The following JAG1 variants were observed in gnomAD, a reference collection of about 807,000 sequenced individuals.
The protein encoded by JAG1 is protein jagged-1.
Under a neutral mutation model 148.7 loss-of-function variants are expected in JAG1, and 23 were observed. The observed-to-expected ratio is 0.15, with a 90% CI of 0.11 to 0.22. The LOEUF is 0.22. Among genes scored for constraint, JAG1 ranks in the 10% least tolerant of loss-of-function variants. The probability of loss-of-function intolerance (pLI) is 1.00; values close to 1 mark genes in which losing one functional copy is unlikely to be tolerated. For missense variants in JAG1, 1,054 were observed against 1,611.2 expected (o/e 0.65, Z 5.92); for synonymous variants, 572 against 598.3 (o/e 0.96, Z 0.64).
intron 2 of JAG1, among the ~76,000 whole-genome samples, chr20:10,666,778 G>C (rs1334461170): frequency 6.6e-6 from 1 of 152,204 alleles, no homozygotes; most frequent in Non-Finnish European, 1.5e-5. Context: ...TTCTGGTGTG[G>C]CATCAAAGAG....
chr20:10,657,967 G>A (rs988476163), intron 4 of JAG1, among the ~76,000 whole-genome samples: 3 of 152,240 alleles, frequency 2.0e-5, no homozygotes, highest in Non-Finnish European at 2.9e-5. Flanking sequence ...CTTAGAAGCA[G>A]AGTCTGAGAA....
chr20:10,639,507 G>A lies in JAG1; in HGVS notation c.3648C>T (p.Tyr1216=). 1 of 1,614,100 alleles carries A rather than the reference G, an allele frequency of 6.2e-7. No homozygotes were observed. The highest frequency in any genetic ancestry group is 2.2e-5 in the East Asian group (1 of 44,888). Residue 1216 remains tyrosine (Y), a synonymous_variant, in exon 26 of 26, where the codon TAC becomes TAT. Transcript: ENST00000254958. The part of the protein sequence containing the change: ...ESAQSLNRME[Y]IV Reference sequence around the variant, plus strand: ...CAGTGCCCGCGGTCTGCTATACGATGTACTCCATTCGGTTTAAGCTCTGGG... The same window carrying A: ...CAGTGCCCGCGGTCTGCTATACGATATACTCCATTCGGTTTAAGCTCTGGG...
rs1407975858 is a variant in JAG1 at position 10,673,405 on chromosome 20, G to T, written c.81+45C>A. The T allele has an allele frequency of 1.5e-6, 2 of 1,339,420 alleles. No individual in the cohort carries two copies. Among genetic ancestry groups the T allele is most frequent in the African/African-American group, 3.1e-5 (2 of 64,634 alleles). 83.0% of individuals were successfully genotyped at this position (1,339,420 alleles called of 1,614,324 possible). On this transcript the variant is annotated intron_variant, in intron 1 of 25. Transcript: ENST00000254958. This position sits in a 1 kb window ranked among gnomAD's most constrained non-coding sequence, Gnocchi z 4.7. Reference sequence around the variant, plus strand: ...TCAACCGCCCAGGGCGCCGCGAGGGGAGGGAGAGGACGGCTGGGAGGGAGG... The same window carrying T: ...TCAACCGCCCAGGGCGCCGCGAGGGTAGGGAGAGGACGGCTGGGAGGGAGG...
At chr20:10,651,349 C>T in intron 8 of JAG1, 2 of 501,352 alleles carry the variant, frequency 4.0e-6, no homozygotes, top group South Asian at 5.7e-5. Context: ...CAAGCGATTC[C>T]ACGAGGACGT....
chr20:10,648,744 G>A lies in JAG1; in HGVS notation c.1396-22C>T, dbSNP rs199564612. The A allele has an allele frequency of 2.5e-5, 41 of 1,611,056 alleles. No individual in the cohort carries two copies. The African/African-American group carries it at 4.7e-4, about 18-fold the overall frequency. ...AATCCTAGAAGAGGAGAAGGGGAGA[G>A]AGAGACACATGCTTTTTTTCTATGT... On this transcript the variant is annotated intron_variant, in intron 11 of 25. Transcript: ENST00000254958.
intron 3 of JAG1, among the ~76,000 whole-genome samples, chr20:10,659,587 T>TTTTTTTTTC (rs34261661): frequency 8.5e-6 from 1 of 117,376 alleles, no homozygotes; most frequent in African/African-American, 3.1e-5. Context: ...TTTTTTTTTT[T>TTTTTTTTTC]ACAATTGTTA....
chr20:10,664,498 C>A (rs1182451960), intron 2 of JAG1, among the ~76,000 whole-genome samples: 1 of 152,116 alleles, frequency 6.6e-6, no homozygotes, highest in African/African-American at 2.4e-5. Flanking sequence ...GTGAGGCAGT[C>A]TCTAGGGAGG....
intron 14 of JAG1, 90 bp downstream of exon 14, chr20:10,646,841 ACTTTCAAC>A (rs1228416269): frequency 1.2e-4 from 152 of 1,248,468 alleles, no homozygotes; most frequent in Non-Finnish European, 1.5e-4. Flanking sequence ...AAAAAAAAAA[ACTTTCAAC>A]ACCAATGATC....
At chr20:10,666,651 C>T (rs1201504996) in intron 2 of JAG1, among the ~76,000 whole-genome samples, 2 of 152,172 alleles carry the variant, frequency 1.3e-5, no homozygotes, top group Non-Finnish European at 2.9e-5. Context: ...CTGTGAAGGC[C>T]ACACAGGAAG....
chr20:10,649,815 A>C (rs1245227923), intron 9 of JAG1, 180 bp from the exon 10 acceptor site: 1 of 634,152 alleles, frequency 1.6e-6, no homozygotes, highest in African/African-American at 1.8e-5. Context: ...CCTAGCTATT[A>C]TCCAATAAGA....
rs1445606117 is a variant in JAG1, at chr20:10,639,466, C to T, written c.*32G>A. ...GTTTAAAGAACTACAAGCCCTCAGA[C>T]TCTACCTAGCGGCGGCAGTGCCCGC... On this transcript the variant is annotated 3_prime_UTR_variant, in exon 26 of 26. Coordinates refer to ENST00000254958, the MANE Select transcript of JAG1 (RefSeq NM_000214.3). The T allele has an allele frequency of 5.7e-6, 9 of 1,579,982 alleles. No individual in the cohort carries two copies. In the African/African-American group the frequency reaches 1.2e-4, roughly 21 times the overall value.
Position 10,673,956 on chromosome 20 carries a change from G to C in JAG1, c.-426C>G, listed in dbSNP as rs1199071320. 1 of 152,178 alleles carries C rather than the reference G, an allele frequency of 6.6e-6. No homozygotes were observed. The allele number at this position is 152,178 out of a possible 1,614,324, so 9.4% of individuals were successfully genotyped here. A position where few individuals can be genotyped will look rare whatever the true frequency, so the allele number is the denominator to read the frequency against. The stretch of plus-strand genomic sequence containing the variant: ...GGCCGGCCGCAGGTAACACAATGAC[G>C]CGTGCCCGCCCGGCTCTCGGAGAAG... On this transcript the variant is annotated 5_prime_UTR_variant, in exon 1 of 26. Coordinates refer to ENST00000254958, the MANE Select transcript of JAG1 (RefSeq NM_000214.3). The surrounding 1 kb of genome is among the most constrained non-coding windows in gnomAD (Gnocchi z 4.7).
rs2067266275 is a variant in JAG1 at position 10,640,945 on chromosome 20, A to G, written c.3049-12T>C. ...ATATCTTCAGCAGACTGGAAAAACA[A>G]TTGTCAGACTTGAGAGTCAGAGGAA... On this transcript the variant is annotated splice_polypyrimidine_tract_variant and intron_variant, in intron 24 of 25. Coordinates refer to ENST00000254958, the MANE Select transcript of JAG1 (RefSeq NM_000214.3). 1.2e-6 allele frequency: 2 copies of G among 1,613,978 alleles called. No homozygotes were observed. The highest frequency in any genetic ancestry group is 8.5e-7 in the Non-Finnish European group (1 of 1,179,966).
chr20:10,665,629 G>A (rs949308309), intron 2 of JAG1, among the ~76,000 whole-genome samples: 1 of 152,196 alleles, frequency 6.6e-6, no homozygotes, highest in African/African-American at 2.4e-5. Context: ...GGCCAGATGT[G>A]TGGCTGATTC....
At chr20:10,661,149 C>T (rs1010898476) in intron 3 of JAG1, among the ~76,000 whole-genome samples, 4 of 152,044 alleles carry the variant, frequency 2.6e-5, no homozygotes, top group Non-Finnish European at 5.9e-5. Flanking sequence ...TTTGGAGGAC[C>T]GATGACAGAA....
chr20:10,671,059 CTAA>C (rs1308297782), intron 2 of JAG1, among the ~76,000 whole-genome samples: 1 of 152,320 alleles, frequency 6.6e-6, no homozygotes, highest in Non-Finnish European at 1.5e-5. Flanking sequence ...TTCCACATCA[CTAA>C]TAAGATTCCT....
At chr20:10,669,989 A>G (rs1042232311) in intron 2 of JAG1, among the ~76,000 whole-genome samples, 2 of 152,170 alleles carry the variant, frequency 1.3e-5, no homozygotes, top group African/African-American at 4.8e-5. Flanking sequence ...CCCTTAGAGC[A>G]GCAACAGTAT....
In JAG1 at chr20:10,645,855, C is replaced by T. The variant is rs1298873159; in HGVS notation, c.1999+116G>A. 7 of 798,784 alleles carry T rather than the reference C, an allele frequency of 8.8e-6. No homozygotes were observed. Among genetic ancestry groups the T allele is most frequent in the Non-Finnish European group, 1.1e-5 (5 of 444,574 alleles). The allele number at this position is 798,784 out of a possible 1,614,324, so 49.5% of individuals were successfully genotyped here. On this transcript the variant is annotated intron_variant, in intron 15 of 25. Coordinates refer to ENST00000254958, the MANE Select transcript of JAG1 (RefSeq NM_000214.3). This position sits in a 1 kb window ranked among gnomAD's most constrained non-coding sequence, Gnocchi z 6.1. ...AGTGATACTGTCCCAGTGCAGAAAT[C>T]ACTGCGGTCTTGCTTCCAGAGATTT... is the stretch of plus-strand genomic sequence containing the variant.
chr20:10,643,671 C>A (rs2067288434), intron 20 of JAG1, 107 bp downstream of exon 20: 4 of 848,196 alleles, frequency 4.7e-6, no homozygotes, highest in African/African-American at 1.7e-5. Flanking sequence ...TCTATGAGAG[C>A]TACTTAAAGG....
Sources: gnomAD v4.1 joint callset for allele counts (sites outside exome capture counted in the v4.1 genomes callset) on GRCh38, gnomAD v4.1.1 for gene constraint, Gnocchi (gnomAD v3.1) non-coding constraint, MANE v1.5 for transcripts, NCBI Gene and HGNC (gene_info 2026-07-23, HGNC 2026-07-21) for gene names.